BTD: variants seen among roughly 807,000 people sequenced by gnomAD.
BTD encodes the protein biocytinase.
Under a neutral mutation model 17.7 loss-of-function variants are expected in BTD, and 13 were observed. The observed-to-expected ratio is 0.74, with a 90% CI of 0.48 to 1.17. BTD has a LOEUF of 1.17. Ranked by LOEUF, BTD falls within the 50% of genes most tolerant of loss-of-function variation. The pLI, the probability that BTD is intolerant of heterozygous loss-of-function variation, is 0.00. For synonymous variants in BTD, 240 were observed against 245.2 expected, an observed-to-expected ratio of 0.98 and a Z score of 0.20; for missense variants, 674 against 650.4, an observed-to-expected ratio of 1.04 and a Z score of -0.39.
At chr3:15,602,836 G>C (rs752989634) in intron 1 of BTD, among the ~76,000 whole-genome samples, 1 of 152,012 alleles carries the variant, frequency 6.6e-6, no homozygotes, top group African/African-American at 2.4e-5. Flanking sequence ...ATATGTGGAC[G>C]GTGTTAGTCC....
chr3:15,642,242 G>A (rs966770294), intron 3 of BTD, 185 bp downstream of exon 3: 14 of 1,455,246 alleles, frequency 9.6e-6, no homozygotes, highest in African/African-American at 1.4e-5. Context: ...ACGTTACAAG[G>A]CAGTTATTCA....
In BTD at chr3:15,643,367, G is replaced by C. The variant is rs141125106; in HGVS notation, c.400-949G>C. Among the ~76,000 whole-genome samples, 106 of 152,240 alleles carry C rather than the reference G, an allele frequency of 7.0e-4. 2 individuals are homozygous for C. The East Asian group carries it at 0.019, about 27-fold the overall frequency. ...AATACAAAAATTAGCTGGGTGTGGT[G>C]GTGCATGCCTGTAGTCCCAGCCACT... is the stretch of plus-strand genomic sequence containing the variant. On this transcript the variant is annotated intron_variant, in intron 3 of 3. Transcript: ENST00000643237.
downstream of BTD, among the ~76,000 whole-genome samples, chr3:15,715,412 G>A (rs917669202): frequency 4.6e-5 from 7 of 152,108 alleles, no homozygotes; most frequent in Non-Finnish European, 8.8e-5. Context: ...ACTGTACAAC[G>A]CAGATATTCT....
chr3:15,720,167 A>G (rs1469789248), intron 4 of BTD, among the ~76,000 whole-genome samples: 1 of 152,054 alleles, frequency 6.6e-6, no homozygotes, highest in Non-Finnish European at 1.5e-5. Context: ...CCAGCCCAGA[A>G]TTTTCACATA....
At chr3:15,679,930 C>T (rs190584311) in intron 3 of BTD, among the ~76,000 whole-genome samples, 238 of 151,102 alleles carry the variant, frequency 1.6e-3, no homozygotes, top group Non-Finnish European at 3.0e-3. Context: ...ATTTACATTA[C>T]ATTGGTTATT....
chr3:15,632,347 G>A (rs2065234662), intron 1 of BTD, among the ~76,000 whole-genome samples: 1 of 152,184 alleles, frequency 6.6e-6, no homozygotes, highest in African/African-American at 2.4e-5. Context: ...CTGGCCCACA[G>A]TTGGGAATTG....
chr3:15,711,289 A>G (rs960800727), exon 4 of BTD: 2 of 1,592,692 alleles, frequency 1.3e-6, no homozygotes, highest in Admixed American at 1.7e-5. Flanking sequence ...AAGAATGAAT[A>G]CATCTTATTT....
intron 3 of BTD, chr3:15,684,805 C>G (rs535340332): frequency 6.1e-6 from 1 of 163,682 alleles, no homozygotes; most frequent in African/African-American, 2.4e-5. Flanking sequence ...CCTAAAAATG[C>G]AAAATATTTG....
chr3:15,677,398 G>T, intron 3 of BTD: 2 of 999,670 alleles, frequency 2.0e-6, no homozygotes, highest in Non-Finnish European at 3.1e-6. Context: ...GTCCTGAGTT[G>T]TTCATTTTAG....
exon 4 of BTD, chr3:15,711,060 T>C (rs1019406429): frequency 1.0e-5 from 6 of 581,182 alleles, no homozygotes; most frequent in Non-Finnish European, 1.5e-5. Flanking sequence ...AAAAAAGTAT[T>C]CTGCCACCCT....
chr3:15,697,044 GCTAT>G (rs759920885), intron 3 of BTD, among the ~76,000 whole-genome samples: 40 of 152,208 alleles, frequency 2.6e-4, no homozygotes, highest in Admixed American at 1.6e-3. Context: ...GTCTATTTAG[GCTAT>G]CTATCAACGA....
chr3:15,612,057 C>T (rs1468613264), intron 1 of BTD, among the ~76,000 whole-genome samples: 1 of 151,810 alleles, frequency 6.6e-6, no homozygotes, highest in African/African-American at 2.4e-5. Context: ...TTAATTTCCA[C>T]TCTTATTTTT....
At chr3:15,636,264 T>C (rs746086505) in intron 2 of BTD, among the ~76,000 whole-genome samples, 1 of 152,180 alleles carries the variant, frequency 6.6e-6, no homozygotes, top group Non-Finnish European at 1.5e-5. Flanking sequence ...CCCTTCAGAC[T>C]GTTTGAGGCT....
chr3:15,721,591 A>T (rs2073738074), intron 4 of BTD, among the ~76,000 whole-genome samples: 1 of 152,176 alleles, frequency 6.6e-6, no homozygotes, highest in East Asian at 1.9e-4. Context: ...ACAGATCAAG[A>T]TTTAAAAAAA....
chr3:15,716,124 A>C (rs192126524), downstream of BTD, among the ~76,000 whole-genome samples: 471 of 151,514 alleles, frequency 3.1e-3, 4 homozygotes, highest in African/African-American at 9.9e-3. Flanking sequence ...CTGGGATTAC[A>C]GGCATGCACC....
At chr3:15,715,936 G>A (rs777153142), downstream of BTD, among the ~76,000 whole-genome samples, 13 of 151,238 alleles carry the variant, frequency 8.6e-5, no homozygotes, top group Middle Eastern at 3.2e-3. Flanking sequence ...AAATGTTCCA[G>A]ATAGGATATA....
At chr3:15,627,953 C>T (rs181537849) in intron 1 of BTD, among the ~76,000 whole-genome samples, 1 of 152,336 alleles carries the variant, frequency 6.6e-6, no homozygotes, top group East Asian at 1.9e-4. Flanking sequence ...AACTCCTGAC[C>T]TCAGGTGATC....
chr3:15,697,147 C>T (rs1194455917), intron 3 of BTD, among the ~76,000 whole-genome samples: 2 of 152,066 alleles, frequency 1.3e-5, no homozygotes, highest in Non-Finnish European at 2.9e-5. Flanking sequence ...TTGCAGCAAC[C>T]TGGAGTTGGA....
At chr3:15,721,136 A>G in intron 4 of BTD, 1 of 1,599,366 alleles carries the variant, frequency 6.3e-7, no homozygotes, top group South Asian at 1.1e-5. Flanking sequence ...ATCTATTAGA[A>G]GGGAAAAAAA....
Sources: gnomAD v4.1 joint callset for allele counts (sites outside exome capture counted in the v4.1 genomes callset) on GRCh38, gnomAD v4.1.1 for gene constraint, MANE v1.5 for transcripts, NCBI Gene and HGNC (gene_info 2026-07-23, HGNC 2026-07-21) for gene names.